MED13L: variants seen among roughly 807,000 people sequenced by gnomAD.
MED13L encodes the protein mediator of RNA polymerase II transcription subunit 13-like.
MED13L carries 7 observed loss-of-function variants against 220.9 expected under a neutral mutation model. The ratio of observed to expected loss-of-function variants is 0.03; its 90% CI spans 0.02 to 0.06. The LOEUF (loss-of-function observed/expected upper bound fraction) is 0.06. MED13L is among the 10% of genes least tolerant of loss of function. The probability of loss-of-function intolerance (pLI) is 1.00; values close to 1 mark genes in which losing one functional copy is unlikely to be tolerated. For missense variants in MED13L, 1,965 were observed against 2,760.5 expected, an observed-to-expected ratio of 0.71 and a Z score of 6.46; for synonymous variants, 1,011 against 1,015.2, an observed-to-expected ratio of 1.00 and a Z score of 0.08.
chr12:116,107,012 C>G (rs1366877709), intron 3 of MED13L, among the ~76,000 whole-genome samples: 1 of 152,114 alleles, frequency 6.6e-6, no homozygotes, highest in Non-Finnish European at 1.5e-5. Flanking sequence ...TGAGCTCTTA[C>G]AATGAGAAAG....
At chr12:116,139,789 G>A (rs77979112) in intron 2 of MED13L, among the ~76,000 whole-genome samples, 1 of 151,930 alleles carries the variant, frequency 6.6e-6, no homozygotes, top group Admixed American at 6.6e-5. Flanking sequence ...GGCCAACATG[G>A]TGAAACCCCA....
At chr12:116,065,220 T>C (rs1869830252) in intron 4 of MED13L, among the ~76,000 whole-genome samples, 1 of 152,202 alleles carries the variant, frequency 6.6e-6, no homozygotes, top group Non-Finnish European at 1.5e-5. Flanking sequence ...CTATGTCATA[T>C]ATGGAGTCCA....
chr12:116,022,344 A>G, intron 5 of MED13L, 112 bp downstream of exon 5: 2 of 1,273,566 alleles, frequency 1.6e-6, no homozygotes, highest in Non-Finnish European at 2.2e-6. Context: ...CCTTATGCTT[A>G]GCTTTAAAAT....
chr12:115,978,066 T>A (rs901803466), intron 23 of MED13L, among the ~76,000 whole-genome samples: 1 of 151,880 alleles, frequency 6.6e-6, no homozygotes, highest in Non-Finnish European at 1.5e-5. Flanking sequence ...GTGAGCAATA[T>A]AATTAGACCC....
rs75193321 is a variant in MED13L at position 116,029,802 on chromosome 12, A to G, written c.480-7201T>C. On this transcript the variant is annotated intron_variant, in intron 4 of 30. Coordinates refer to ENST00000281928, the MANE Select transcript of MED13L (RefSeq NM_015335.5). ...ATCTAAAATTAATAAATATTTTAACATGTTTTCTAGTGTATACCATGGCTT... is the reference window on the plus strand; with the variant it reads ...ATCTAAAATTAATAAATATTTTAACGTGTTTTCTAGTGTATACCATGGCTT... 5.5e-3 allele frequency among the ~76,000 whole-genome samples: 833 copies of G among 152,292 alleles called. 7 individuals are homozygous for G. The highest frequency in any genetic ancestry group is 0.019 in the African/African-American group (780 of 41,570).
At chr12:116,057,343 G>A (rs558443721) in intron 4 of MED13L, among the ~76,000 whole-genome samples, 3 of 152,142 alleles carry the variant, frequency 2.0e-5, no homozygotes, top group East Asian at 1.9e-4. Flanking sequence ...AAGCCAGAGC[G>A]AAAATACCAA....
chr12:116,258,405 C>T (rs1247504383), intron 1 of MED13L, among the ~76,000 whole-genome samples: 1 of 152,130 alleles, frequency 6.6e-6, no homozygotes, highest in Non-Finnish European at 1.5e-5. Context: ...ACAGCAAAAG[C>T]TCTGAGGTGA....
At chr12:116,199,000 A>G (rs969426559) in intron 2 of MED13L, among the ~76,000 whole-genome samples, 2 of 152,120 alleles carry the variant, frequency 1.3e-5, no homozygotes, top group African/African-American at 2.4e-5. Flanking sequence ...AGGAACCACT[A>G]AAGTTTCTAT....
chr12:116,082,254 A>T (rs1466849528), intron 4 of MED13L, among the ~76,000 whole-genome samples: 1 of 152,216 alleles, frequency 6.6e-6, no homozygotes, highest in African/African-American at 2.4e-5. Flanking sequence ...TACAGAAGTG[A>T]CAAGTGCCTA....
chr12:116,259,774 T>C (rs1206946252), intron 1 of MED13L, among the ~76,000 whole-genome samples: 1 of 152,226 alleles, frequency 6.6e-6, no homozygotes, highest in Non-Finnish European at 1.5e-5. Flanking sequence ...GGAAGTTACC[T>C]TCCTGAAGGT....
intron 2 of MED13L, among the ~76,000 whole-genome samples, chr12:116,212,655 TAACAA>T (rs1211480657): frequency 3.3e-5 from 5 of 152,112 alleles, no homozygotes; most frequent in African/African-American, 7.2e-5. Context: ...GCAGCTCACA[TAACAA>T]AACAACAAAA....
At chr12:116,091,912 G>C (rs1872249140) in intron 4 of MED13L, among the ~76,000 whole-genome samples, 1 of 151,930 alleles carries the variant, frequency 6.6e-6, no homozygotes, top group African/African-American at 2.4e-5. Context: ...TCTTGTTTCT[G>C]TACCCATTCT....
At chr12:116,042,520 G>A (rs1881595032) in intron 4 of MED13L, among the ~76,000 whole-genome samples, 1 of 152,196 alleles carries the variant, frequency 6.6e-6, no homozygotes, top group Non-Finnish European at 1.5e-5. Flanking sequence ...GGTGAGACAA[G>A]GTAGAGAGAA....
intron 4 of MED13L, among the ~76,000 whole-genome samples, chr12:116,059,235 T>C (rs1400836552): frequency 2.0e-5 from 3 of 152,054 alleles, no homozygotes; most frequent in Non-Finnish European, 4.4e-5. Context: ...ACCCAGCTAA[T>C]TGTTTGTAGA....
intron 16 of MED13L, among the ~76,000 whole-genome samples, chr12:115,994,092 T>C (rs1225130040): frequency 6.6e-6 from 1 of 152,184 alleles, no homozygotes; most frequent in Non-Finnish European, 1.5e-5. Flanking sequence ...TAGCCACATT[T>C]CAAGTGGTCA....
intron 5 of MED13L, among the ~76,000 whole-genome samples, chr12:116,021,295 T>C (rs956177686): frequency 6.6e-6 from 1 of 152,178 alleles, no homozygotes; most frequent in Non-Finnish European, 1.5e-5. Context: ...TAAGTTCTCT[T>C]CCCTCATGAC....
chr12:116,119,638 T>TA (rs770437973), intron 2 of MED13L, among the ~76,000 whole-genome samples: 3 of 151,024 alleles, frequency 2.0e-5, no homozygotes, highest in African/African-American at 4.9e-5. Flanking sequence ...CTCCAGCTCT[T>TA]AAAAAAACTT....
intron 4 of MED13L, among the ~76,000 whole-genome samples, chr12:116,047,582 A>C (rs868624818): frequency 6.6e-6 from 1 of 152,216 alleles, no homozygotes; most frequent in African/African-American, 2.4e-5. Context: ...CAGAAAATTA[A>C]AGAAAATAGA....
intron 1 of MED13L, among the ~76,000 whole-genome samples, chr12:116,267,132 A>G (rs961628500): frequency 2.0e-5 from 3 of 152,264 alleles, no homozygotes; most frequent in Admixed American, 2.0e-4. Flanking sequence ...TTAATAGCTT[A>G]AACTACCAAA....
Sources: gnomAD v4.1 joint callset for allele counts (sites outside exome capture counted in the v4.1 genomes callset) on GRCh38, gnomAD v4.1.1 for gene constraint, MANE v1.5 for transcripts, NCBI Gene and HGNC (gene_info 2026-07-23, HGNC 2026-07-21) for gene names.